The following TMEM109 variants were observed in gnomAD, a reference collection of about 807,000 sequenced individuals.
TMEM109 encodes transmembrane protein 109, also known as voltage-gated monoatomic cation channel TMEM109.
In TMEM109, 19 loss-of-function variants were observed where a neutral mutation model predicts 26.4. The observed-to-expected ratio is 0.72, with a 90% CI of 0.50 to 1.06. TMEM109 has a LOEUF of 1.06. TMEM109 is among the 50% of genes least tolerant of loss of function. The pLI is 0.00. For missense variants in TMEM109, 262 were observed against 303.4 expected (o/e 0.86, Z 1.01); for synonymous variants, 129 against 142.0 (o/e 0.91, Z 0.65).
In TMEM109 at chr11:60,914,253, C is replaced by CA. The variant is rs1856144778; in HGVS notation, c.-23dup. 6.6e-6 allele frequency: 1 copy of CA among 152,250 alleles called. No individual in the cohort carries two copies. Among genetic ancestry groups the CA allele is most frequent in the African/African-American group, 2.4e-5 (1 of 41,454 alleles). The allele number at this position is 152,250 out of a possible 1,614,324, so 9.4% of individuals were successfully genotyped here. ...CAGCGAAGTCGCACGTGAAGGATAG[C>CA]AGTGGCCTGAGAAAGGTGAGAGCGG... On this transcript the variant is annotated 5_prime_UTR_variant, in exon 1 of 4. Transcript: ENST00000227525.
chr11:60,922,281 C>T lies in TMEM109; in HGVS notation c.*116C>T. 6.5e-7 allele frequency: 1 copy of T among 1,544,110 alleles called. No homozygotes were observed. The highest frequency in any genetic ancestry group is 8.7e-7 in the Non-Finnish European group (1 of 1,146,794). On this transcript the variant is annotated 3_prime_UTR_variant, in exon 4 of 4. Transcript: ENST00000227525. ...TTGCCCTGTCTCTGAACCTTCAGAACATTGATCCTTGCCGCAGCCCCACTA... is the reference window on the plus strand; with the variant it reads ...TTGCCCTGTCTCTGAACCTTCAGAATATTGATCCTTGCCGCAGCCCCACTA...
chr11:60,920,536 A>C (rs553664572), intron 2 of TMEM109, among the ~76,000 whole-genome samples: 1 of 152,298 alleles, frequency 6.6e-6, no homozygotes, highest in East Asian at 1.9e-4. Flanking sequence ...CCAGTTTTAT[A>C]GGGTGACTAC....
intron 1 of TMEM109, among the ~76,000 whole-genome samples, chr11:60,914,560 C>T (rs1407708394): frequency 6.6e-6 from 1 of 152,252 alleles, no homozygotes; most frequent in African/African-American, 2.4e-5. Context: ...CAGGCCAGCG[C>T]CAAGCCCGAG....
intron 3 of TMEM109, 56 bp from the exon 4 acceptor site, chr11:60,921,718 C>A: frequency 7.0e-7 from 1 of 1,428,790 alleles, no homozygotes; most frequent in Non-Finnish European, 9.7e-7. Context: ...TCTTGCCCCG[C>A]TCTCCCCTCA....
At chr11:60,921,341 G>T (rs1330060812) in intron 3 of TMEM109, among the ~76,000 whole-genome samples, 1 of 152,134 alleles carries the variant, frequency 6.6e-6, no homozygotes, top group Non-Finnish European at 1.5e-5. Flanking sequence ...GATCGCTTGA[G>T]CCCAGGAGGT....
chr11:60,918,717 G>T (rs1856200175), intron 1 of TMEM109: 1 of 151,952 alleles, frequency 6.6e-6, no homozygotes, highest in African/African-American at 2.4e-5. Context: ...GAGCTCCCAG[G>T]CTCTGCAGGA....
intron 1 of TMEM109, chr11:60,918,598 C>CT (rs34970555): frequency 0.33 from 46,507 of 141,334 alleles, 8,164 homozygotes; most frequent in Middle Eastern, 0.4. Context: ...AAATTTCTTT[C>CT]TTTTTTTTTT....
intron 2 of TMEM109, 80 bp from the exon 3 acceptor site, chr11:60,920,806 G>T: frequency 4.9e-6 from 6 of 1,233,588 alleles, no homozygotes; most frequent in Non-Finnish European, 5.9e-6. Flanking sequence ...TGCAGTTCTT[G>T]CCTGGACAGT....
At chr11:60,920,806 G>C (rs1259188548) in intron 2 of TMEM109, 80 bp from the exon 3 acceptor site, 3 of 1,233,588 alleles carry the variant, frequency 2.4e-6, no homozygotes, top group Non-Finnish European at 3.6e-6. Context: ...TGCAGTTCTT[G>C]CCTGGACAGT....
Position 60,921,980 on chromosome 11 carries a change from T to A in TMEM109, c.547T>A (p.Ser183Thr). The A allele has an allele frequency of 6.2e-7, 1 of 1,613,592 alleles. No homozygotes were observed. The change falls in exon 4 of 4, where the codon TCC (serine) becomes ACC (threonine). Residue 183 changes from serine (S) to threonine (T), a missense_variant. Ser to Thr is a moderately conservative substitution (Grantham distance 58). Coordinates refer to ENST00000227525, the MANE Select transcript of TMEM109 (RefSeq NM_024092.3). ...CCTGATGAGGTCGGTGCCTGACCCTTCCACCCGGGCCCTGCTACTCCTGGC... is the reference window on the plus strand; with the variant it reads ...CCTGATGAGGTCGGTGCCTGACCCTACCACCCGGGCCCTGCTACTCCTGGC... ...VALMRSVPDPSTRALLLLALL... is the reference protein window; with the variant it reads ...VALMRSVPDPTTRALLLLALL...
chr11:60,916,014 A>G (rs1409782348), intron 1 of TMEM109, among the ~76,000 whole-genome samples: 1 of 152,166 alleles, frequency 6.6e-6, no homozygotes, highest in Non-Finnish European at 1.5e-5. Context: ...GTTCCCTCGG[A>G]GGAGTCTGGA....
intron 2 of TMEM109, 32 bp from the exon 3 acceptor site, chr11:60,920,854 T>G: frequency 2.5e-6 from 4 of 1,576,956 alleles, no homozygotes; most frequent in Non-Finnish European, 3.5e-6. Context: ...TTGTTCATTA[T>G]GAACTCATCT....
At chr11:60,914,593 C>G (rs1289087736) in intron 1 of TMEM109, among the ~76,000 whole-genome samples, 2 of 152,358 alleles carry the variant, frequency 1.3e-5, no homozygotes, top group Admixed American at 6.5e-5. Flanking sequence ...GACCCACGGC[C>G]CAGCCTCCTG....
chr11:60,914,863 C>A (rs1171470482), intron 1 of TMEM109, among the ~76,000 whole-genome samples: 1 of 152,242 alleles, frequency 6.6e-6, no homozygotes, highest in African/African-American at 2.4e-5. Flanking sequence ...CCCAACCTGC[C>A]AGGGCGCTGA....
chr11:60,914,946 C>G (rs140473648), intron 1 of TMEM109, among the ~76,000 whole-genome samples: 3 of 152,362 alleles, frequency 2.0e-5, no homozygotes, highest in East Asian at 3.9e-4. Flanking sequence ...TCTCGTGTGG[C>G]TGCTGTATAT....
intron 1 of TMEM109, chr11:60,918,796 G>A (rs1004570775): frequency 6.6e-6 from 1 of 152,152 alleles, no homozygotes; most frequent in East Asian, 1.9e-4. Context: ...TTGGGGGTGG[G>A]GAGGTGAGGT....
Position 60,919,772 on chromosome 11 carries a change from C to T in TMEM109, c.79C>T (p.Leu27Phe), listed in dbSNP as rs745932614. ...TCTGATGGTCCTAGTGGCCCTTATC[C>T]TCCTCCACTCAGCATTGGCCCAGTC... ...AILMVLVALI[L>F]LHSALAQSRR... is the part of the protein sequence containing the mutation. The change falls in exon 2 of 4, where the codon CTC (leucine) becomes TTC (phenylalanine). Residue 27 changes from leucine to phenylalanine, a missense_variant. Physicochemically the swap from Leu to Phe is conservative, Grantham distance 22 (BLOSUM62 0). Coordinates refer to ENST00000227525, the MANE Select transcript of TMEM109 (RefSeq NM_024092.3). 2.2e-5 allele frequency: 35 copies of T among 1,614,044 alleles called. No homozygotes were observed. The Admixed American group carries it at 4.8e-4, about 22-fold the overall frequency.
rs1203575613 is a variant in TMEM109, at chr11:60,921,877, C to T, written c.444C>T (p.Leu148=). ...TCGTCTACTGGCTGCTGTCTCTGCT[C>T]CTCGGCTTGGTCTTGGCCTTGCTGG... is the stretch of plus-strand genomic sequence containing the variant. The part of the protein sequence containing the change: ...ALVVYWLLSL[L]LGLVLALLGR... Residue 148 remains leucine, a synonymous_variant, in exon 4 of 4, where the codon CTC becomes CTT. Coordinates refer to ENST00000227525, the MANE Select transcript of TMEM109 (RefSeq NM_024092.3). The T allele has an allele frequency of 1.9e-6, 3 of 1,614,224 alleles. No homozygotes were observed. Among genetic ancestry groups the T allele is most frequent in the East Asian group, 2.2e-5 (1 of 44,870 alleles).
At chr11:60,920,479 G>A (rs2134880856) in intron 2 of TMEM109, among the ~76,000 whole-genome samples, 1 of 152,300 alleles carries the variant, frequency 6.6e-6, no homozygotes, top group East Asian at 1.9e-4. Flanking sequence ...TCCCTTTACA[G>A]ATGTTCTCCA....
Sources: allele counts gnomAD v4.1 joint callset (sites outside exome capture counted in the v4.1 genomes callset), GRCh38; gene constraint gnomAD v4.1.1; transcripts MANE v1.5; gene names NCBI Gene and HGNC (gene_info 2026-07-23, HGNC 2026-07-21).